Variants in LRP1 observed in about 807,000 individuals in gnomAD.
LRP1 encodes the protein prolow-density lipoprotein receptor-related protein 1.
A neutral mutation model predicts 541.5 loss-of-function variants in LRP1; 51 were observed. The observed-to-expected ratio is 0.09, with a 90% CI of 0.08 to 0.12. The LOEUF (loss-of-function observed/expected upper bound fraction) is 0.12, where lower values mean the gene tolerates loss of function less well. Among genes scored for constraint, LRP1 ranks in the 10% least tolerant of loss-of-function variants. The pLI, the probability that LRP1 is intolerant of heterozygous loss-of-function variation, is 1.00. For synonymous variants in LRP1, 2,219 were observed against 2,470.8 expected (o/e 0.90, Z 3.02); for missense variants, 3,878 against 6,376.2 (o/e 0.61, Z 13.34).
At chr12:57,134,477 A>C (rs2035111439) in intron 1 of LRP1, among the ~76,000 whole-genome samples, 1 of 152,146 alleles carries the variant, frequency 6.6e-6, no homozygotes, top group Admixed American at 6.5e-5. Context: ...TTTGAGACAC[A>C]GTCTCACTCC....
In LRP1 at chr12:57,177,375, C is replaced by A; in HGVS notation, c.4197-52C>A. The A allele has an allele frequency of 2.6e-6, 4 of 1,561,808 alleles. No homozygotes were observed. In the South Asian group the frequency reaches 4.8e-5, roughly 19 times the overall value. ...CCTCTACCTACGATCCCACCACAGTCGCTCCCTGAGGGCCCTGACTTTAGC... is the reference window on the plus strand; with the variant it reads ...CCTCTACCTACGATCCCACCACAGTAGCTCCCTGAGGGCCCTGACTTTAGC... On this transcript the variant is annotated intron_variant, in intron 25 of 88. Coordinates refer to ENST00000243077, the MANE Select transcript of LRP1 (RefSeq NM_002332.3). The surrounding 1 kb of genome is among the most constrained non-coding windows in gnomAD (Gnocchi z 6.8).
In LRP1 at chr12:57,173,923, A is replaced by G; in HGVS notation, c.3490A>G (p.Lys1164Glu). 3 of 1,614,194 alleles carry G rather than the reference A, an allele frequency of 1.9e-6. No individual in the cohort carries two copies. The highest frequency in any genetic ancestry group is 2.5e-6 in the Non-Finnish European group (3 of 1,180,024). ...NNTSVCLPPD[K>E]LCDGNDDCGD... ...CACCTCAGTCTGCCTGCCCCCTGAC[A>G]AGCTGTGTGATGGCAACGACGACTG... Residue 1164 changes from lysine (K) to glutamate (E), a missense_variant, in exon 22 of 89, where the codon AAG (lysine) becomes GAG (glutamate). Coordinates refer to ENST00000243077, the MANE Select transcript of LRP1 (RefSeq NM_002332.3). This position sits in a 1 kb window ranked among gnomAD's most constrained non-coding sequence, Gnocchi z 4.7.
rs750947760 is a variant in LRP1, at chr12:57,195,253, C to A, written c.8309-18C>A. 44 of 1,611,194 alleles carry A rather than the reference C, an allele frequency of 2.7e-5. No homozygotes were observed. The highest frequency in any genetic ancestry group is 1.2e-5 in the Non-Finnish European group (14 of 1,177,942). On this transcript the variant is annotated intron_variant, in intron 51 of 88. Transcript: ENST00000243077. The stretch of plus-strand genomic sequence containing the variant: ...TACCCGCTCCTAAGTCTCTCAGTGG[C>A]CCTCTCTCCCCCTACAGAAGGCAAG...
In LRP1 at chr12:57,198,977, C is replaced by T. The variant is rs191649786; in HGVS notation, c.9677-235C>T. ...GAGAACTGCAGTGCTCCCCACTTCC[C>T]GAGGGGAGCCATACACTGGCAGGGC... On this transcript the variant is annotated intron_variant, in intron 60 of 88. Transcript: ENST00000243077. Among the ~76,000 whole-genome samples the T allele has an allele frequency of 1.1e-4, 16 of 152,288 alleles. 1 individual carries two copies. The highest frequency in any genetic ancestry group is 6.8e-3 in the Middle Eastern group (2 of 294).
chr12:57,195,728 G>A lies in LRP1; in HGVS notation c.8508G>A (p.Val2836=), dbSNP rs556168198. 30 of 1,614,204 alleles carry A rather than the reference G, an allele frequency of 1.9e-5. No individual in the cohort carries two copies. In the South Asian group the frequency reaches 2.7e-4, roughly 15 times the overall value. The change falls in exon 53 of 89, where the codon GTG becomes GTA. Residue 2836 remains valine, a synonymous_variant. Transcript: ENST00000243077. The stretch of plus-strand genomic sequence containing the variant: ...GCCAGTGCATCCCCAAGCACTTCGT[G>A]TGTGACCACGACCGTGACTGTGCAG... ...QNRQCIPKHF[V]CDHDRDCADG... is the part of the protein sequence containing the mutation.
intron 50 of LRP1, 44 bp downstream of exon 50, chr12:57,194,743 G>A: frequency 6.6e-7 from 1 of 1,518,490 alleles, no homozygotes; most frequent in South Asian, 1.3e-5. Flanking sequence ...GAGCCTGCTG[G>A]GCCCCACTTC....
At chr12:57,151,023 T>A (rs1271892343) in intron 6 of LRP1, among the ~76,000 whole-genome samples, 1 of 151,810 alleles carries the variant, frequency 6.6e-6, no homozygotes, top group Admixed American at 6.6e-5. Flanking sequence ...GGTGTGTAGA[T>A]GTGTTGGGTG....
intron 67 of LRP1, 67 bp from the exon 68 acceptor site, chr12:57,202,354 T>C (rs984949444): frequency 1.6e-6 from 2 of 1,256,222 alleles, no homozygotes; most frequent in Non-Finnish European, 2.3e-6. Context: ...AGCCTGACCA[T>C]GCCTGCTTGG....
In LRP1 at chr12:57,201,174, T is replaced by C. The variant is rs2136741066; in HGVS notation, c.10345+21T>C. On this transcript the variant is annotated intron_variant, in intron 65 of 88. Coordinates refer to ENST00000243077, the MANE Select transcript of LRP1 (RefSeq NM_002332.3). The surrounding 1 kb of genome is among the most constrained non-coding windows in gnomAD (Gnocchi z 6.4). ...CTGCCGTGAGTGTCAGAGGTGGTGGTGGGCCGGTGGTGGGAGATGACACGG... is the reference window on the plus strand; with the variant it reads ...CTGCCGTGAGTGTCAGAGGTGGTGGCGGGCCGGTGGTGGGAGATGACACGG... 2 of 1,613,012 alleles carry C rather than the reference T, an allele frequency of 1.2e-6. No homozygotes were observed. Among genetic ancestry groups the C allele is most frequent in the Non-Finnish European group, 1.7e-6 (2 of 1,179,172 alleles).
Position 57,199,685 on chromosome 12 carries a change from A to C in LRP1, c.9866-192A>C, listed in dbSNP as rs569852770. ...GCCGGCCCCTGGGAGGGAAGCACAG[A>C]GGAGGTGGGGAGCTGGCCTTCAGGC... On this transcript the variant is annotated intron_variant, in intron 61 of 88. Coordinates refer to ENST00000243077, the MANE Select transcript of LRP1 (RefSeq NM_002332.3). Among the ~76,000 whole-genome samples the C allele has an allele frequency of 2.6e-5, 4 of 152,284 alleles. No homozygotes were observed. In the South Asian group the frequency reaches 8.3e-4, roughly 32 times the overall value.
chr12:57,199,229 C>G lies in LRP1; in HGVS notation c.9694C>G (p.Pro3232Ala). The G allele has an allele frequency of 6.2e-7, 1 of 1,613,650 alleles. No individual in the cohort carries two copies. The highest frequency in any genetic ancestry group is 1.1e-5 in the South Asian group (1 of 91,084). Reference protein sequence around the residue: ...NRHVVLSQDIPHIFALTLFED... With the variant: ...NRHVVLSQDIAHIFALTLFED... ...CCCTGCAGTGCTGAGCCAGGACATC[C>G]CGCACATCTTTGCACTGACCCTGTT... is the stretch of plus-strand genomic sequence containing the variant. The change falls in exon 61 of 89, where the codon CCG becomes GCG. Residue 3232 changes from proline (P) to alanine (A), a missense_variant. Transcript: ENST00000243077.
chr12:57,195,313 C>T lies in LRP1; in HGVS notation c.8351C>T (p.Thr2784Ile). The change falls in exon 52 of 89, where the codon ACC (threonine) becomes ATC (isoleucine). Residue 2784 changes from threonine (T) to isoleucine (I), a missense_variant. Thr to Ile is a moderately conservative substitution (Grantham distance 89). This residue lies in a region of LRP1 where 1,100 missense variants were observed against 1,827.4 expected (regional missense o/e 0.60). Transcript: ENST00000243077. Reference sequence around the variant, plus strand: ...CCCTCCTCCTTCTCCTGCCCTGGCACCCACGTGTGCGTCCCCGAGCGCTGG... The same window carrying T: ...CCCTCCTCCTTCTCCTGCCCTGGCATCCACGTGTGCGTCCCCGAGCGCTGG... ...CGPSSFSCPG[T>I]HVCVPERWLC... is the part of the protein sequence containing the mutation. 5 of 1,613,740 alleles carry T rather than the reference C, an allele frequency of 3.1e-6. No homozygotes were observed. The highest frequency in any genetic ancestry group is 4.2e-6 in the Non-Finnish European group (5 of 1,180,028).
chr12:57,199,134 G>A, intron 60 of LRP1, 78 bp from the exon 61 acceptor site: 1 of 1,367,902 alleles, frequency 7.3e-7, no homozygotes. Flanking sequence ...TGGTGGTAGG[G>A]CTTGAGGAGG....
intron 20 of LRP1, among the ~76,000 whole-genome samples, chr12:57,171,428 C>T (rs1483566413): frequency 3.3e-5 from 5 of 152,196 alleles, no homozygotes; most frequent in African/African-American, 1.2e-4. Context: ...TGAGCACTTC[C>T]GTAGGGTGAC....
Position 57,197,416 on chromosome 12 carries a change from C to G in LRP1, c.9162+32C>G. 6.2e-7 allele frequency: 1 copy of G among 1,609,756 alleles called. No individual in the cohort carries two copies. The highest frequency in any genetic ancestry group is 8.5e-7 in the Non-Finnish European group (1 of 1,176,534). On this transcript the variant is annotated intron_variant, in intron 57 of 88. Transcript: ENST00000243077. This position sits in a 1 kb window ranked among gnomAD's most constrained non-coding sequence, Gnocchi z 4.5. ...AACCCAGGCCCTCCTCCCCGCTGCC[C>G]ATCTCCCAGACCCAGCACAGCCTCC...
At position 57,194,912 on chromosome 12, in the gene LRP1, C is replaced by T. The variant is rs1341054927; in HGVS notation, c.8192-73C>T. On this transcript the variant is annotated intron_variant, in intron 50 of 88. Transcript: ENST00000243077. The stretch of plus-strand genomic sequence containing the variant: ...TGCTGTGGGCATCTCTCCTGTCCTT[C>T]CCATGGCATCAGCCTCCCCAGGTGG... 6.1e-6 allele frequency: 8 copies of T among 1,314,372 alleles called. 1 individual carries two copies. The highest frequency in any genetic ancestry group is 3.6e-5 in the South Asian group (3 of 84,372). The allele number at this position is 1,314,372 out of a possible 1,614,324, so 81.4% of individuals were successfully genotyped here. A position where few individuals can be genotyped will look rare whatever the true frequency, so the allele number is the denominator to read the frequency against.
chr12:57,193,036 C>T (rs943194342), intron 45 of LRP1, 66 bp downstream of exon 45: 24 of 1,589,106 alleles, frequency 1.5e-5, no homozygotes, highest in Non-Finnish European at 1.6e-5. Context: ...GTGACCATCT[C>T]CCCTACATGC....
Position 57,193,282 on chromosome 12 carries a change from C to G in LRP1, c.7662C>G (p.Ser2554=). ...CDGVPHCKDK[S]DEKPSYCNSR... is the part of the protein sequence containing the mutation. ...GCGTCCCCCACTGCAAGGACAAGTC[C>G]GATGAGAAGCCATCCTACTGCAGTA... The change falls in exon 46 of 89, where the codon TCC becomes TCG. Residue 2554 remains serine, a synonymous_variant. Transcript: ENST00000243077. The G allele has an allele frequency of 6.2e-7, 1 of 1,613,198 alleles. No homozygotes were observed. Among genetic ancestry groups the G allele is most frequent in the Non-Finnish European group, 8.5e-7 (1 of 1,180,020 alleles).
chr12:57,150,274 C>T (rs867216650), intron 6 of LRP1, among the ~76,000 whole-genome samples: 41 of 140,732 alleles, frequency 2.9e-4, no homozygotes, highest in African/African-American at 1.1e-4. Context: ...TCACTGCAAG[C>T]TCTGCCTCCC....
Sources: allele counts gnomAD v4.1 joint callset (sites outside exome capture counted in the v4.1 genomes callset), GRCh38; gene constraint gnomAD v4.1.1; regional missense constraint gnomAD v4.1.1; non-coding constraint Gnocchi (gnomAD v3.1); transcripts MANE v1.5; gene names NCBI Gene and HGNC (gene_info 2026-07-23, HGNC 2026-07-21).